Variants in BRD10 observed in about 807,000 individuals in gnomAD.
BRD10 encodes bromodomain containing 10, also known as uncharacterized bromodomain-containing protein 10.
chr9:5,960,177 C>G, the BRD10 span, among the ~76,000 whole-genome samples: 1 of 152,238 alleles, frequency 6.6e-6, no homozygotes, highest in African/African-American at 2.4e-5. Flanking sequence ...CACTTTTTAA[C>G]TTAGTTTTTT....
At chr9:5,993,655 G>A in the BRD10 span, among the ~76,000 whole-genome samples, 1 of 152,120 alleles carries the variant, frequency 6.6e-6, no homozygotes, top group Non-Finnish European at 1.5e-5. Context: ...CACAGTTTCT[G>A]ACAACTTGCA....
At chr9:5,992,866 A>G in the BRD10 span, among the ~76,000 whole-genome samples, 1 of 152,232 alleles carries the variant, frequency 6.6e-6, no homozygotes, top group Admixed American at 6.5e-5. Flanking sequence ...TATAGTTAAC[A>G]TACAAACTGA....
the BRD10 span, among the ~76,000 whole-genome samples, chr9:5,879,965 G>C: frequency 6.6e-6 from 1 of 152,160 alleles, no homozygotes; most frequent in Non-Finnish European, 1.5e-5. Context: ...TGTCTCCCAA[G>C]CTGGAGTGCA....
chr9:5,893,163 C>T, the BRD10 span, among the ~76,000 whole-genome samples: 1 of 152,190 alleles, frequency 6.6e-6, no homozygotes, highest in Non-Finnish European at 1.5e-5. Flanking sequence ...AAAAAACTCA[C>T]AACTTAGTGG....
At chr9:5,922,534 G>A in the BRD10 span, 1 of 1,613,946 alleles carries the variant, frequency 6.2e-7, no homozygotes, top group African/African-American at 1.3e-5. Context: ...CTGGTGAGTT[G>A]ACAAAAACTG....
the BRD10 span, among the ~76,000 whole-genome samples, chr9:6,002,391 C>G: frequency 2.6e-5 from 4 of 151,886 alleles, no homozygotes; most frequent in African/African-American, 9.7e-5. Flanking sequence ...GAACATGAGG[C>G]AAATCCAGAT....
the BRD10 span, among the ~76,000 whole-genome samples, chr9:5,980,985 T>C: frequency 6.6e-6 from 1 of 152,204 alleles, no homozygotes; most frequent in Non-Finnish European, 1.5e-5. Context: ...GACCTTCCTA[T>C]GATTTCAAAG....
chr9:5,898,099 G>A, the BRD10 span: 12 of 166,734 alleles, frequency 7.2e-5, no homozygotes, highest in Admixed American at 1.7e-4. Context: ...GGGATGGAGC[G>A]CAGTGGTGAA....
the BRD10 span, among the ~76,000 whole-genome samples, chr9:5,916,451 G>A: frequency 1.3e-5 from 2 of 151,654 alleles, no homozygotes; most frequent in Admixed American, 1.3e-4. Flanking sequence ...CTTGGGACTT[G>A]AGCAGGACTT....
chr9:5,928,516 C>T, the BRD10 span, among the ~76,000 whole-genome samples: 1 of 152,190 alleles, frequency 6.6e-6, no homozygotes, highest in Admixed American at 6.5e-5. Context: ...TTGCCTGTTA[C>T]CACATTTCTC....
chr9:5,899,062 G>C, the BRD10 span: 1 of 152,158 alleles, frequency 6.6e-6, no homozygotes, highest in Non-Finnish European at 1.5e-5. Flanking sequence ...CAGCAATCTT[G>C]CTTAAAGCCA....
At chr9:5,967,889 T>G in the BRD10 span, 2 of 607,160 alleles carry the variant, frequency 3.3e-6, no homozygotes, top group African/African-American at 3.7e-5. Context: ...AAATAAAATT[T>G]GACCCTCAAA....
chr9:5,919,859 A>G, the BRD10 span: 2 of 1,613,806 alleles, frequency 1.2e-6, no homozygotes, highest in South Asian at 1.1e-5. Flanking sequence ...GCTAACCAAC[A>G]ATTTTTTGAC....
At chr9:5,952,026 T>TATTTATTCATTC in the BRD10 span, among the ~76,000 whole-genome samples, 4 of 149,386 alleles carry the variant, frequency 2.7e-5, no homozygotes, top group Non-Finnish European at 4.4e-5. Context: ...TTTATTTATT[T>TATTTATTCATTC]ATTTATTTAT....
the BRD10 span, among the ~76,000 whole-genome samples, chr9:5,982,528 G>C: frequency 6.6e-6 from 1 of 152,182 alleles, no homozygotes; most frequent in East Asian, 1.9e-4. Context: ...TTTATAAAAA[G>C]AAGTGAGACT....
the BRD10 span, among the ~76,000 whole-genome samples, chr9:5,963,932 G>C: frequency 6.6e-6 from 1 of 151,452 alleles, no homozygotes; most frequent in South Asian, 2.1e-4. Context: ...TTAAACGTTA[G>C]ACCTAAAACC....
the BRD10 span, chr9:5,910,356 C>T: frequency 1.6e-4 from 25 of 152,154 alleles, no homozygotes; most frequent in Admixed American, 1.0e-3. Context: ...GTATTACACA[C>T]ATCGAAAAAA....
the BRD10 span, among the ~76,000 whole-genome samples, chr9:5,896,157 T>C: frequency 6.6e-6 from 1 of 152,220 alleles, no homozygotes. Flanking sequence ...TGCCACTTGC[T>C]GGTTGTGCAG....
the BRD10 span, among the ~76,000 whole-genome samples, chr9:5,911,422 T>A: frequency 6.6e-6 from 1 of 151,262 alleles, no homozygotes; most frequent in Non-Finnish European, 1.5e-5. Flanking sequence ...TTTTTTTTTT[T>A]AATGCCAGTA....
Sources: gnomAD v4.1 joint callset for allele counts (sites outside exome capture counted in the v4.1 genomes callset) on GRCh38, gnomAD v4.1.1 for gene constraint, MANE v1.5 for transcripts, NCBI Gene and HGNC (gene_info 2026-07-23, HGNC 2026-07-21) for gene names.